Variants in FHL2 observed in about 807,000 individuals in gnomAD.
The protein encoded by FHL2 is four and a half LIM domains 2.
FHL2 carries 20 observed loss-of-function variants against 32.7 expected under a neutral mutation model. The observed-to-expected ratio is 0.61, with a 90% confidence interval of 0.43 to 0.89. The LOEUF is 0.89. FHL2 is among the 40% of genes least tolerant of loss of function. The pLI, the probability that FHL2 is intolerant of heterozygous loss-of-function variation, is 0.00. For missense variants in FHL2, 311 were observed against 358.6 expected (o/e 0.87, Z 1.07); for synonymous variants, 123 against 128.1 (o/e 0.96, Z 0.27).
chr2:105,408,522 T>C (rs909115049), intron 1 of FHL2, among the ~76,000 whole-genome samples: 1 of 152,222 alleles, frequency 6.6e-6, no homozygotes, highest in Admixed American at 6.5e-5. Context: ...AAGTACGGCT[T>C]CACCCAGCCA....
chr2:105,382,260 G>A (rs1681949567), intron 3 of FHL2, among the ~76,000 whole-genome samples: 1 of 152,198 alleles, frequency 6.6e-6, no homozygotes, highest in South Asian at 2.1e-4. Context: ...CATGAGAAGA[G>A]TAGGGGCCTC....
At chr2:105,371,281 A>ACG (rs1681042641) in intron 4 of FHL2, among the ~76,000 whole-genome samples, 1 of 152,140 alleles carries the variant, frequency 6.6e-6, no homozygotes, top group Admixed American at 6.5e-5. Context: ...CGAGTGCAGC[A>ACG]CGTTACCCAC....
chr2:105,407,109 G>C (rs890933567), intron 1 of FHL2, among the ~76,000 whole-genome samples: 213 of 152,172 alleles, frequency 1.4e-3, no homozygotes, highest in Non-Finnish European at 2.3e-3. Context: ...AAATGCCTAA[G>C]CTGCTGGGCG....
At chr2:105,425,288 A>G (rs1378052201) in intron 1 of FHL2, among the ~76,000 whole-genome samples, 1 of 152,312 alleles carries the variant, frequency 6.6e-6, no homozygotes, top group African/African-American at 2.4e-5. Context: ...ATTTACAAGC[A>G]GTATACTTGG....
intron 2 of FHL2, 98 bp from the exon 3 acceptor site, chr2:105,386,638 G>A (rs144246520): frequency 1.3e-5 from 13 of 1,008,000 alleles, no homozygotes; most frequent in South Asian, 6.6e-5. Context: ...ATCTTTAGCC[G>A]AAAGGTGGCT....
At chr2:105,394,377 G>A (rs750701551) in intron 2 of FHL2, among the ~76,000 whole-genome samples, 2 of 151,700 alleles carry the variant, frequency 1.3e-5, no homozygotes, top group Admixed American at 1.3e-4. Flanking sequence ...ACTCCAGCCT[G>A]GACCACAGTG....
chr2:105,399,703 G>C (rs1392827376), upstream of FHL2: 3 of 1,368,644 alleles, frequency 2.2e-6, no homozygotes, highest in African/African-American at 4.4e-5. Flanking sequence ...CCAAGCCCGG[G>C]CCCTCTGCGT....
chr2:105,384,514 T>G (rs187703737), intron 3 of FHL2, among the ~76,000 whole-genome samples: 2,045 of 152,102 alleles, frequency 0.013, 44 homozygotes, highest in African/African-American at 0.046. Context: ...CAGTTTTTTT[T>G]GGGTCTTTTT....
intron 1 of FHL2, among the ~76,000 whole-genome samples, chr2:105,431,531 G>A (rs4583489): frequency 0.22 from 33,629 of 152,162 alleles, 3,752 homozygotes; most frequent in South Asian, 0.27. Flanking sequence ...CTGGGGCAGG[G>A]CAGTGCTTGG....
At chr2:105,387,797 C>T (rs1349629757) in intron 2 of FHL2, among the ~76,000 whole-genome samples, 1 of 152,220 alleles carries the variant, frequency 6.6e-6, no homozygotes, top group African/African-American at 2.4e-5. Context: ...CATAAAGACA[C>T]ATGTACATGA....
At chr2:105,402,212 T>A (rs1250299429), upstream of FHL2, among the ~76,000 whole-genome samples, 2 of 148,492 alleles carry the variant, frequency 1.3e-5, no homozygotes, top group Non-Finnish European at 3.0e-5. Flanking sequence ...TGTATATATG[T>A]ATATATATGT....
At chr2:105,434,022 C>T (rs887519698) in intron 1 of FHL2, among the ~76,000 whole-genome samples, 1 of 152,202 alleles carries the variant, frequency 6.6e-6, no homozygotes, top group African/African-American at 2.4e-5. Flanking sequence ...AATCCTATCA[C>T]TTTCCATCTC....
chr2:105,390,668 A>G (rs749348566), intron 2 of FHL2, among the ~76,000 whole-genome samples: 3 of 152,216 alleles, frequency 2.0e-5, no homozygotes, highest in Non-Finnish European at 4.4e-5. Context: ...ACACAGTTAC[A>G]TACTGCACAA....
rs545018754 is a variant in FHL2, at chr2:105,383,502, T to A, written c.156+2859A>T. On this transcript the variant is annotated intron_variant, in intron 3 of 6. Coordinates refer to ENST00000530340, the MANE Select transcript of FHL2 (RefSeq NM_001318895.3). ...TCAAACTATATAACAGGCTCTGAAGTCTTGCCTGTCTCATTTAAGTAGGTC... is the reference window on the plus strand; with the variant it reads ...TCAAACTATATAACAGGCTCTGAAGACTTGCCTGTCTCATTTAAGTAGGTC... Among the ~76,000 whole-genome samples the A allele has an allele frequency of 6.6e-5, 10 of 152,318 alleles. No homozygotes were observed. The South Asian group carries it at 1.9e-3, about 28-fold the overall frequency.
At chr2:105,384,255 G>T (rs1682124897) in intron 3 of FHL2, among the ~76,000 whole-genome samples, 1 of 152,058 alleles carries the variant, frequency 6.6e-6, no homozygotes, top group South Asian at 2.1e-4. Context: ...TTTTTCTCGG[G>T]CTATCTACTT....
Position 105,361,398 on chromosome 2 carries a change from C to A in FHL2, c.725G>T (p.Arg242Leu), listed in dbSNP as rs188279857. Residue 242 changes from arginine (R) to leucine (L), a missense_variant, in exon 7 of 7, where the codon CGG (arginine) becomes CTG (leucine). Physicochemically the swap from Arg to Leu is moderately radical, Grantham distance 102 (BLOSUM62 -2). Coordinates refer to ENST00000530340, the MANE Select transcript of FHL2 (RefSeq NM_001318895.3). ...GTTAAAGCAGTCGTTATGCCACTGC[C>A]GTTCCTCAAAGGAGATGTATTTTGT... ...GGTKYISFEE[R>L]QWHNDCFNCK... 1 of 1,614,056 alleles carries A rather than the reference C, an allele frequency of 6.2e-7. No homozygotes were observed. The highest frequency in any genetic ancestry group is 1.7e-5 in the Admixed American group (1 of 60,006).
chr2:105,377,799 G>A, intron 3 of FHL2: 1 of 332,412 alleles, frequency 3.0e-6, no homozygotes. Context: ...TGTCTGGCTG[G>A]GACAAGAGAC....
chr2:105,382,822 A>C (rs2104572331), intron 3 of FHL2, among the ~76,000 whole-genome samples: 1 of 152,344 alleles, frequency 6.6e-6, no homozygotes, highest in East Asian at 1.9e-4. Flanking sequence ...CCAGGGCTTA[A>C]AATCACCAAT....
upstream of FHL2, among the ~76,000 whole-genome samples, chr2:105,403,129 C>G (rs1683524880): frequency 6.6e-6 from 1 of 152,218 alleles, no homozygotes; most frequent in African/African-American, 2.4e-5. Flanking sequence ...GAACTATTAA[C>G]ACATTACTTG....
Sources: gnomAD v4.1 joint callset for allele counts (sites outside exome capture counted in the v4.1 genomes callset) on GRCh38, gnomAD v4.1.1 for gene constraint, MANE v1.5 for transcripts, NCBI Gene and HGNC (gene_info 2026-07-23, HGNC 2026-07-21) for gene names.